ENTHD1: variants seen among roughly 807,000 people sequenced by gnomAD.
ENTHD1 encodes the protein ENTH domain containing 1, also known as ENTH domain-containing protein 1.
A neutral mutation model predicts 39.1 loss-of-function variants in ENTHD1; 23 were observed. The observed-to-expected ratio is 0.59, with a 90% CI of 0.42 to 0.83. ENTHD1 has a LOEUF of 0.83. ENTHD1 is among the 40% of genes least tolerant of loss of function. The pLI, the probability that ENTHD1 is intolerant of heterozygous loss-of-function variation, is 0.00. For synonymous variants in ENTHD1, 230 were observed against 258.2 expected, an observed-to-expected ratio of 0.89 and a Z score of 1.05; for missense variants, 624 against 705.4, an observed-to-expected ratio of 0.88 and a Z score of 1.31.
At chr22:39,758,029 T>C (rs890391028) in intron 6 of ENTHD1, among the ~76,000 whole-genome samples, 5 of 152,176 alleles carry the variant, frequency 3.3e-5, no homozygotes, top group African/African-American at 4.8e-5. Context: ...CCTTTATAAA[T>C]TACCTAGTCT....
At chr22:39,859,195 G>C (rs1420196146) in intron 3 of ENTHD1, among the ~76,000 whole-genome samples, 1 of 152,134 alleles carries the variant, frequency 6.6e-6, no homozygotes, top group Non-Finnish European at 1.5e-5. Context: ...TTAGAACCTT[G>C]CTCTGGATTA....
intron 5 of ENTHD1, among the ~76,000 whole-genome samples, chr22:39,775,678 C>T (rs1318236482): frequency 1.3e-5 from 2 of 152,144 alleles, no homozygotes; most frequent in African/African-American, 4.8e-5. Context: ...TCCATTTGTC[C>T]CTGGTGCTAC....
intron 6 of ENTHD1, among the ~76,000 whole-genome samples, chr22:39,744,577 A>G (rs962541360): frequency 6.6e-6 from 1 of 152,184 alleles, no homozygotes; most frequent in Non-Finnish European, 1.5e-5. Context: ...TTTTTACACT[A>G]AACTTAATCA....
At chr22:39,747,257 G>A (rs1452921524) in intron 6 of ENTHD1, among the ~76,000 whole-genome samples, 2 of 152,152 alleles carry the variant, frequency 1.3e-5, no homozygotes, top group Non-Finnish European at 2.9e-5. Flanking sequence ...CCGAAGCTGG[G>A]ATTACCTCTG....
intron 3 of ENTHD1, among the ~76,000 whole-genome samples, chr22:39,855,792 A>G (rs1020771859): frequency 1.3e-5 from 2 of 152,184 alleles, no homozygotes; most frequent in Admixed American, 6.5e-5. Context: ...TGAAGCCAAC[A>G]GTGTAGAGAG....
chr22:39,749,626 G>T (rs2065133240), intron 6 of ENTHD1, among the ~76,000 whole-genome samples: 1 of 152,206 alleles, frequency 6.6e-6, no homozygotes, highest in East Asian at 1.9e-4. Flanking sequence ...AAACAGAGAA[G>T]TTTTTGTCAT....
At position 39,775,679 on chromosome 22, in the gene ENTHD1, C is replaced by T. The variant is rs1041598951; in HGVS notation, c.833-10070G>A. 2.6e-5 allele frequency among the ~76,000 whole-genome samples: 4 copies of T among 152,292 alleles called. No individual in the cohort carries two copies. In the South Asian group the frequency reaches 8.3e-4, roughly 32 times the overall value. ...CCCCTCGGGCTCACTCCATTTGTCC[C>T]TGGTGCTACTCCTGGAGGTGCAGGA... On this transcript the variant is annotated intron_variant, in intron 5 of 6. Coordinates refer to ENST00000325157, the MANE Select transcript of ENTHD1 (RefSeq NM_152512.4).
chr22:39,747,941 C>G (rs2065118647), intron 6 of ENTHD1, among the ~76,000 whole-genome samples: 1 of 152,076 alleles, frequency 6.6e-6, no homozygotes, highest in South Asian at 2.1e-4. Flanking sequence ...CAGAACTTAT[C>G]TATTCTTGAT....
intron 5 of ENTHD1, among the ~76,000 whole-genome samples, chr22:39,811,044 T>G (rs1225937615): frequency 1.3e-5 from 2 of 152,312 alleles, no homozygotes; most frequent in East Asian, 3.9e-4. Context: ...GCAAGCACTC[T>G]TGATGCTACA....
At chr22:39,829,523 G>A (rs950481228) in intron 4 of ENTHD1, among the ~76,000 whole-genome samples, 2 of 152,082 alleles carry the variant, frequency 1.3e-5, no homozygotes, top group Non-Finnish European at 1.5e-5. Context: ...GGTAGCTCAC[G>A]CCTGTTATCT....
chr22:39,775,680 T>G (rs2146576523), intron 5 of ENTHD1, among the ~76,000 whole-genome samples: 1 of 152,324 alleles, frequency 6.6e-6, no homozygotes, highest in African/African-American at 2.4e-5. Flanking sequence ...CATTTGTCCC[T>G]GGTGCTACTC....
intron 3 of ENTHD1, among the ~76,000 whole-genome samples, chr22:39,849,615 G>A (rs990193360): frequency 6.6e-6 from 1 of 152,058 alleles, no homozygotes; most frequent in Non-Finnish European, 1.5e-5. Context: ...TACAGATTTT[G>A]TACTTCTTTT....
At chr22:39,782,840 A>G (rs1233005157) in intron 5 of ENTHD1, among the ~76,000 whole-genome samples, 1 of 152,190 alleles carries the variant, frequency 6.6e-6, no homozygotes, top group African/African-American at 2.4e-5. Context: ...ACAGGGAAAA[A>G]TTGAAGGCCT....
At chr22:39,880,964 T>C (rs1569180781) in intron 2 of ENTHD1, among the ~76,000 whole-genome samples, 1 of 152,208 alleles carries the variant, frequency 6.6e-6, no homozygotes, top group Non-Finnish European at 1.5e-5. Context: ...TGGAGAGTTA[T>C]TCAACCTCTG....
chr22:39,806,319 A>C (rs1033878895), intron 5 of ENTHD1, among the ~76,000 whole-genome samples: 1 of 152,206 alleles, frequency 6.6e-6, no homozygotes, highest in Non-Finnish European at 1.5e-5. Context: ...TTAACAATCA[A>C]GTGTCAACTA....
intron 4 of ENTHD1, among the ~76,000 whole-genome samples, chr22:39,829,556 G>A (rs964695686): frequency 2.6e-5 from 4 of 152,030 alleles, no homozygotes; most frequent in Non-Finnish European, 5.9e-5. Flanking sequence ...AGGCCAAGGC[G>A]GGTGGATTGC....
intron 6 of ENTHD1, among the ~76,000 whole-genome samples, chr22:39,759,633 T>C (rs1389111840): frequency 6.6e-6 from 1 of 152,042 alleles, no homozygotes; most frequent in African/African-American, 2.4e-5. Context: ...ATTTGTTCCT[T>C]TTTTCCAAGC....
chr22:39,882,960 C>T (rs192803208), intron 2 of ENTHD1, among the ~76,000 whole-genome samples: 25 of 142,344 alleles, frequency 1.8e-4, no homozygotes, highest in Admixed American at 1.5e-3. Flanking sequence ...GCCTAGATAG[C>T]GCCACTGCAC....
chr22:39,879,462 CAAAAAAAAAAAA>C (rs34372930), intron 2 of ENTHD1, among the ~76,000 whole-genome samples: 6 of 16,442 alleles, frequency 3.6e-4, no homozygotes, highest in African/African-American at 7.4e-4. Context: ...GACTCTGTCT[CAAAAAAAAAAAA>C]AAAAAAAAAA....
Sources: allele counts gnomAD v4.1 joint callset (sites outside exome capture counted in the v4.1 genomes callset), GRCh38; gene constraint gnomAD v4.1.1; transcripts MANE v1.5; gene names NCBI Gene and HGNC (gene_info 2026-07-23, HGNC 2026-07-21).